Variants in KDM3B observed in about 807,000 individuals in gnomAD.
KDM3B encodes the protein lysine-specific demethylase 3B.
KDM3B carries 10 observed loss-of-function variants against 170.0 expected under a neutral mutation model. The observed-to-expected ratio is 0.06, with a 90% CI of 0.04 to 0.10. The LOEUF is 0.10. Ranked by LOEUF, KDM3B falls within the 10% of genes least tolerant of loss-of-function variation. KDM3B has a pLI of 1.00. For synonymous variants in KDM3B, 831 were observed against 834.8 expected (o/e 1.00, Z 0.08); for missense variants, 1,394 against 2,195.2 (o/e 0.64, Z 7.29).
intron 6 of KDM3B, among the ~76,000 whole-genome samples, chr5:138,383,811 G>A (rs965459719): frequency 6.6e-6 from 1 of 152,092 alleles, no homozygotes; most frequent in South Asian, 2.1e-4. Context: ...TTAGCTGGGC[G>A]TAGTGGCGGG....
Position 138,386,365 on chromosome 5 carries a change from G to A in KDM3B, c.1124G>A (p.Gly375Asp), listed in dbSNP as rs1160412263. 2 of 1,614,096 alleles carry A rather than the reference G, an allele frequency of 1.2e-6. No homozygotes were observed. The highest frequency in any genetic ancestry group is 1.3e-5 in the African/African-American group (1 of 74,928). ...CTGGTGGTGCAGGATGAGCCTGTAGGTGGGGACACACCTGCATCTTTCACT... is the reference window on the plus strand; with the variant it reads ...CTGGTGGTGCAGGATGAGCCTGTAGATGGGGACACACCTGCATCTTTCACT... ...RTLVVQDEPV[G>D]GDTPASFTPY... The change falls in exon 7 of 24, where the codon GGT becomes GAT. Residue 375 changes from glycine (G) to aspartate (D), a missense_variant. This residue lies in a region of KDM3B where 205 missense variants were observed against 227.6 expected (regional missense o/e 0.90). Transcript: ENST00000314358.
At chr5:138,398,117 T>G in intron 9 of KDM3B, 61 bp from the exon 10 acceptor site, 1 of 1,284,802 alleles carries the variant, frequency 7.8e-7, no homozygotes, top group Non-Finnish European at 1.1e-6. Flanking sequence ...GTCCCAGGAG[T>G]TTAGGTGTGT....
At chr5:138,432,280 C>T (rs1763554411) in intron 23 of KDM3B, among the ~76,000 whole-genome samples, 2 of 152,218 alleles carry the variant, frequency 1.3e-5, no homozygotes, top group South Asian at 2.1e-4. Context: ...CTAGGGATTA[C>T]AGTTCATGTC....
chr5:138,418,074 G>GTTTTTTTTTTTTTTTTTTTTTTTT (rs200778394), intron 13 of KDM3B: 1 of 114,206 alleles, frequency 8.8e-6, no homozygotes, highest in Admixed American at 1.0e-4. Context: ...TTTTGGTTTT[G>GTTTTTTTTTTTTTTTTTTTTTTTT]GTTTTTTTTT....
At chr5:138,381,389 C>T (rs145078034) in intron 5 of KDM3B, 127 bp from the exon 6 acceptor site, 11 of 632,338 alleles carry the variant, frequency 1.7e-5, no homozygotes, top group Non-Finnish European at 2.2e-5. Context: ...GAGATCTCTG[C>T]TCTCATGGAG....
chr5:138,361,387 A>G (rs2126908880), intron 1 of KDM3B, among the ~76,000 whole-genome samples: 1 of 150,074 alleles, frequency 6.7e-6, no homozygotes, highest in Non-Finnish European at 1.5e-5. Flanking sequence ...ATCAGGCTCT[A>G]GGGGACTGAT....
At chr5:138,353,653 T>C (rs1761386344) in intron 1 of KDM3B, among the ~76,000 whole-genome samples, 1 of 152,148 alleles carries the variant, frequency 6.6e-6, no homozygotes, top group Admixed American at 6.5e-5. Context: ...TTGAGATCTT[T>C]CTTAGTGGCC....
chr5:138,379,512 T>C, intron 4 of KDM3B, 72 bp from the exon 5 acceptor site: 7 of 1,455,810 alleles, frequency 4.8e-6, no homozygotes, highest in African/African-American at 1.4e-5. Flanking sequence ...CTAATTTTCC[T>C]TTGGCTTTTA....
chr5:138,358,298 C>T (rs923955116), intron 1 of KDM3B, among the ~76,000 whole-genome samples: 5 of 104,742 alleles, frequency 4.8e-5, no homozygotes, highest in Admixed American at 1.2e-4. Context: ...TTTTTTCTTT[C>T]TTTCTTTCTT....
chr5:138,431,641 T>C, intron 23 of KDM3B, 82 bp downstream of exon 23: 1 of 1,240,594 alleles, frequency 8.1e-7, no homozygotes. Context: ...TTCTCCTTTC[T>C]GAGGGTATTC....
intron 1 of KDM3B, among the ~76,000 whole-genome samples, chr5:138,354,183 A>G (rs1761397517): frequency 6.6e-6 from 1 of 151,892 alleles, no homozygotes; most frequent in African/African-American, 2.4e-5. Context: ...TTTTTTGTGG[A>G]TGGCTTAGGC....
At position 138,419,668 on chromosome 5, in the gene KDM3B, A is replaced by AAAATAT. The variant is rs1408643891; in HGVS notation, c.3715+437_3715+438insAATATA. On this transcript the variant is annotated intron_variant, in intron 14 of 23. Transcript: ENST00000314358. The stretch of plus-strand genomic sequence containing the variant: ...ACTCTGTCTCAAAAAAAAAAAAAAA[A>AAAATAT]ATATATATATATATATATATACATA... Among the ~76,000 whole-genome samples the AAAATAT allele has an allele frequency of 5.9e-3, 643 of 109,220 alleles. 28 individuals are homozygous for AAAATAT. The highest frequency in any genetic ancestry group is 8.3e-3 in the Non-Finnish European group (473 of 56,784). 71.7% of individuals were successfully genotyped at this position (109,220 alleles called of 152,430 possible).
chr5:138,374,414 A>C, intron 2 of KDM3B: 4 of 275,990 alleles, frequency 1.4e-5, no homozygotes, highest in South Asian at 5.6e-5. Context: ...GCCCACCACC[A>C]CTCCCGGCTT....
At chr5:138,412,762 A>T (rs960249517) in intron 11 of KDM3B, among the ~76,000 whole-genome samples, 1 of 152,208 alleles carries the variant, frequency 6.6e-6, no homozygotes, top group South Asian at 2.1e-4. Context: ...CAGGAGGTTG[A>T]CACCAGCCTG....
rs142355770 is a variant in KDM3B, at chr5:138,394,855, T to C, written c.2831+1483T>C. Among the ~76,000 whole-genome samples, 29 of 152,258 alleles carry C rather than the reference T, an allele frequency of 1.9e-4. No individual in the cohort carries two copies. The East Asian group carries it at 5.2e-3, about 27-fold the overall frequency. On this transcript the variant is annotated intron_variant, in intron 9 of 23. Coordinates refer to ENST00000314358, the MANE Select transcript of KDM3B (RefSeq NM_016604.4). ...CAGAGAAGTTAGGAGGCTGTTGGAATTATCCAAGTGAGAAATGATGGGGCT... is the reference window on the plus strand; with the variant it reads ...CAGAGAAGTTAGGAGGCTGTTGGAACTATCCAAGTGAGAAATGATGGGGCT...
intron 1 of KDM3B, among the ~76,000 whole-genome samples, chr5:138,370,221 A>T (rs763032172): frequency 2.0e-5 from 3 of 152,180 alleles, no homozygotes; most frequent in Non-Finnish European, 4.4e-5. Context: ...TGAGCCTTGC[A>T]TCTCCATCTT....
At chr5:138,397,390 C>G (rs1762575148) in intron 9 of KDM3B, among the ~76,000 whole-genome samples, 1 of 151,976 alleles carries the variant, frequency 6.6e-6, no homozygotes, top group Admixed American at 6.6e-5. Context: ...TCCCTGTAGT[C>G]CCAGCTACTT....
At chr5:138,356,026 A>T (rs1353634586) in intron 1 of KDM3B, among the ~76,000 whole-genome samples, 1 of 152,274 alleles carries the variant, frequency 6.6e-6, no homozygotes, top group African/African-American at 2.4e-5. Flanking sequence ...TTGACAGTAT[A>T]CCATGGGGAT....
At position 138,399,975 on chromosome 5, in the gene KDM3B, T is replaced by G; in HGVS notation, c.3162T>G (p.Leu1054=). The G allele has an allele frequency of 6.2e-7, 1 of 1,614,198 alleles. No individual in the cohort carries two copies. The highest frequency in any genetic ancestry group is 1.1e-5 in the South Asian group (1 of 91,082). Residue 1054 remains leucine, a synonymous_variant, in exon 11 of 24, where the codon CTT becomes CTG. Transcript: ENST00000314358. ...GCAAATGTGGATTTGGGGTCTGCCT[T>G]GACTGTTACCGGCTCAGGAAAAGCC... ...VCRKCGFGVC[L]DCYRLRKSRP... is the part of the protein sequence containing the mutation.
Sources: gnomAD v4.1 joint callset for allele counts (sites outside exome capture counted in the v4.1 genomes callset) on GRCh38, gnomAD v4.1.1 for gene constraint, gnomAD v4.1.1 regional missense constraint, MANE v1.5 for transcripts, NCBI Gene and HGNC (gene_info 2026-07-23, HGNC 2026-07-21) for gene names.